Variants in CNTN5 observed in about 807,000 individuals in gnomAD.
CNTN5 encodes contactin 5.
A neutral mutation model predicts 129.1 loss-of-function variants in CNTN5; 77 were observed. The ratio of observed to expected loss-of-function variants is 0.60; its 90% confidence interval spans 0.50 to 0.72. CNTN5 has a LOEUF of 0.72. CNTN5 is among the 30% of genes least tolerant of loss of function. CNTN5 has a pLI of 0.00. For missense variants in CNTN5, 1,478 were observed against 1,328.8 expected, an observed-to-expected ratio of 1.11 and a Z score of -1.75; for synonymous variants, 509 against 465.6, an observed-to-expected ratio of 1.09 and a Z score of -1.20.
chr11:99,748,446 T>TA (rs1944129134), intron 3 of CNTN5, among the ~76,000 whole-genome samples: 1 of 151,854 alleles, frequency 6.6e-6, no homozygotes, highest in Admixed American at 6.6e-5. Flanking sequence ...GACAGCGTGT[T>TA]AAAAAGGGGA....
At chr11:99,828,849 A>G (rs1947050128) in intron 4 of CNTN5, among the ~76,000 whole-genome samples, 1 of 152,204 alleles carries the variant, frequency 6.6e-6, no homozygotes, top group South Asian at 2.1e-4. Context: ...GTTGTCTTAA[A>G]CAATGACAAA....
chr11:100,203,739 A>G (rs1262161303), intron 15 of CNTN5, among the ~76,000 whole-genome samples: 1 of 148,936 alleles, frequency 6.7e-6, no homozygotes, highest in African/African-American at 2.5e-5. Context: ...CCATGTTTCT[A>G]ACAAGCCGAT....
intron 2 of CNTN5, among the ~76,000 whole-genome samples, chr11:99,379,777 G>A (rs767886629): frequency 2.4e-4 from 36 of 152,140 alleles, no homozygotes; most frequent in Non-Finnish European, 4.7e-4. Context: ...GTGGGTGACA[G>A]AATCTCTTGC....
chr11:99,613,236 A>C (rs1188230299), intron 3 of CNTN5, among the ~76,000 whole-genome samples: 1 of 152,162 alleles, frequency 6.6e-6, no homozygotes, highest in Non-Finnish European at 1.5e-5. Context: ...TAGTTAAATC[A>C]TGGGGGCGGT....
Position 100,208,683 on chromosome 11 carries a change from A to G in CNTN5, c.1884+15020A>G, listed in dbSNP as rs533710016. On this transcript the variant is annotated intron_variant, in intron 15 of 24. Coordinates refer to ENST00000524871, the MANE Select transcript of CNTN5 (RefSeq NM_014361.4). ...ACCACCATCTGCCCACAATTTTTAC[A>G]TTTCTCCAACTTGCAACTTTCATAC... is the stretch of plus-strand genomic sequence containing the variant. Among the ~76,000 whole-genome samples the G allele has an allele frequency of 3.5e-4, 54 of 152,296 alleles. 1 individual carries two copies. The highest frequency in any genetic ancestry group is 1.3e-3 in the African/African-American group (53 of 41,584).
chr11:99,617,344 T>A, intron 3 of CNTN5, among the ~76,000 whole-genome samples: 1 of 152,120 alleles, frequency 6.6e-6, no homozygotes, highest in East Asian at 1.9e-4. Flanking sequence ...AATGAAACAT[T>A]TATAAAGTTC....
intron 3 of CNTN5, among the ~76,000 whole-genome samples, chr11:99,588,551 T>C (rs1949880364): frequency 6.6e-6 from 1 of 152,134 alleles, no homozygotes; most frequent in South Asian, 2.1e-4. Context: ...ATTAAACCCC[T>C]AGTGAGCTCT....
intron 2 of CNTN5, among the ~76,000 whole-genome samples, chr11:99,375,033 T>C (rs1940078808): frequency 6.6e-6 from 1 of 152,148 alleles, no homozygotes; most frequent in East Asian, 1.9e-4. Context: ...CCGGGCGTGA[T>C]GGTTCACGCC....
chr11:99,900,247 C>A (rs1400617102), intron 6 of CNTN5, among the ~76,000 whole-genome samples: 1 of 150,344 alleles, frequency 6.7e-6, no homozygotes, highest in Non-Finnish European at 1.5e-5. Flanking sequence ...CTTTTTTCTG[C>A]TACCTTTCAT....
intron 16 of CNTN5, among the ~76,000 whole-genome samples, chr11:100,227,661 C>A (rs1203382689): frequency 1.3e-5 from 2 of 152,048 alleles, no homozygotes; most frequent in Admixed American, 1.3e-4. Flanking sequence ...TCTGGAGAAC[C>A]ATAATAGAAT....
chr11:100,057,882 G>C (rs924766998), intron 9 of CNTN5, among the ~76,000 whole-genome samples: 2 of 151,934 alleles, frequency 1.3e-5, no homozygotes, highest in African/African-American at 2.4e-5. Context: ...CTGCTACTTT[G>C]TGCCAGGCTG....
Position 99,931,393 on chromosome 11 carries a change from C to A in CNTN5, c.673+15244C>A, listed in dbSNP as rs185218774. Among the ~76,000 whole-genome samples, 655 of 152,198 alleles carry A rather than the reference C, an allele frequency of 4.3e-3. 9 individuals carry two copies. Among genetic ancestry groups the A allele is most frequent in the Non-Finnish European group, 3.2e-3 (218 of 67,978 alleles). Reference sequence around the variant, plus strand: ...TTTGTTTTAGAATATTTAGACACAGCATAAGGAAAAAGACTTAGAACACTG... The same window carrying A: ...TTTGTTTTAGAATATTTAGACACAGAATAAGGAAAAAGACTTAGAACACTG... On this transcript the variant is annotated intron_variant, in intron 7 of 24. Coordinates refer to ENST00000524871, the MANE Select transcript of CNTN5 (RefSeq NM_014361.4).
chr11:100,074,419 C>A, intron 13 of CNTN5, 125 bp downstream of exon 13: 2 of 870,050 alleles, frequency 2.3e-6, no homozygotes, highest in Non-Finnish European at 3.5e-6. Flanking sequence ...CTGATTGAAA[C>A]ATGGTTTTGC....
chr11:100,159,109 A>G (rs1373494172), intron 13 of CNTN5, among the ~76,000 whole-genome samples: 1 of 151,910 alleles, frequency 6.6e-6, no homozygotes, highest in Non-Finnish European at 1.5e-5. Flanking sequence ...AAAGCTCAAA[A>G]ACAGGCAAAA....
intron 2 of CNTN5, among the ~76,000 whole-genome samples, chr11:99,375,639 A>C (rs77525404): frequency 0.022 from 3,390 of 152,304 alleles, 53 homozygotes; most frequent in Non-Finnish European, 0.036. Context: ...CAAAAATATA[A>C]GAGTGACTTC....
chr11:100,319,269 C>G (rs1440501929), intron 21 of CNTN5, among the ~76,000 whole-genome samples: 3 of 151,882 alleles, frequency 2.0e-5, no homozygotes, highest in African/African-American at 7.3e-5. Context: ...TCTCCTGCCT[C>G]AGCCTCCCAA....
At chr11:99,528,398 A>G (rs1947568579) in intron 2 of CNTN5, among the ~76,000 whole-genome samples, 1 of 152,212 alleles carries the variant, frequency 6.6e-6, no homozygotes, top group African/African-American at 2.4e-5. Flanking sequence ...TAAAAGCAAA[A>G]TCTATAAATG....
In CNTN5 at chr11:100,107,048, A is replaced by G. The variant is rs12283605; in HGVS notation, c.1580+32754A>G. 1.9e-3 allele frequency among the ~76,000 whole-genome samples: 297 copies of G among 152,312 alleles called. 1 individual carries two copies. Among genetic ancestry groups the G allele is most frequent in the African/African-American group, 6.9e-3 (289 of 41,586 alleles). The stretch of plus-strand genomic sequence containing the variant: ...ATGCCTAAATCTAAAAGTTCAAAAA[A>G]TAATTAACTCAGATTTAGTAGATTT... On this transcript the variant is annotated intron_variant, in intron 13 of 24. Transcript: ENST00000524871.
chr11:99,439,779 T>A (rs1339929685), intron 2 of CNTN5, among the ~76,000 whole-genome samples: 1 of 151,858 alleles, frequency 6.6e-6, no homozygotes, highest in Non-Finnish European at 1.5e-5. Context: ...GATATATATT[T>A]ATAAGTATTT....
Sources: gnomAD v4.1 joint callset for allele counts (sites outside exome capture counted in the v4.1 genomes callset) on GRCh38, gnomAD v4.1.1 for gene constraint, MANE v1.5 for transcripts, NCBI Gene and HGNC (gene_info 2026-07-23, HGNC 2026-07-21) for gene names.